Variants in ELMO1 observed in about 807,000 individuals in gnomAD.
The protein encoded by ELMO1 is engulfment and cell motility 1.
Under a neutral mutation model 98.9 loss-of-function variants are expected in ELMO1, and 26 were observed. The observed-to-expected ratio is 0.26, with a 90% CI of 0.19 to 0.36. The LOEUF is 0.36. Ranked by LOEUF, ELMO1 falls within the 10% of genes least tolerant of loss-of-function variation. ELMO1 has a pLI of 1.00. For synonymous variants in ELMO1, 346 were observed against 346.0 expected (o/e 1.00, Z 0.00); for missense variants, 627 against 935.2 (o/e 0.67, Z 4.30).
intron 1 of ELMO1, among the ~76,000 whole-genome samples, chr7:37,414,588 C>G (rs1232433467): frequency 6.6e-6 from 1 of 152,230 alleles, no homozygotes; most frequent in Non-Finnish European, 1.5e-5. Context: ...CTGTGGCCAA[C>G]TCCAAAGTCC....
At chr7:37,262,983 G>A (rs1444260144) in intron 5 of ELMO1, among the ~76,000 whole-genome samples, 2 of 152,150 alleles carry the variant, frequency 1.3e-5, no homozygotes, top group Non-Finnish European at 2.9e-5. Context: ...CCAGGAAAAG[G>A]TGCTCCACAG....
At position 37,044,508 on chromosome 7, in the gene ELMO1, C is replaced by T. The variant is rs149389504; in HGVS notation, c.1301-31073G>A. On this transcript the variant is annotated intron_variant, in intron 15 of 21. Coordinates refer to ENST00000310758, the MANE Select transcript of ELMO1 (RefSeq NM_014800.11). Reference sequence around the variant, plus strand: ...GTGCCTGGTAAGTCACCATCTCACTCGCCCAACACGGTGTTTGAGGTGGTG... The same window carrying T: ...GTGCCTGGTAAGTCACCATCTCACTTGCCCAACACGGTGTTTGAGGTGGTG... Among the ~76,000 whole-genome samples, 1,363 of 152,322 alleles carry T rather than the reference C, an allele frequency of 8.9e-3. 6 individuals carry two copies. The highest frequency in any genetic ancestry group is 0.014 in the Middle Eastern group (4 of 294).
intron 15 of ELMO1, among the ~76,000 whole-genome samples, chr7:37,074,765 A>G (rs1797472339): frequency 6.6e-6 from 1 of 152,218 alleles, no homozygotes; most frequent in African/African-American, 2.4e-5. Context: ...CAGAGTCAGA[A>G]GTGAGGAGGT....
chr7:36,893,715 G>A (rs1313641001), intron 17 of ELMO1, among the ~76,000 whole-genome samples: 3 of 152,032 alleles, frequency 2.0e-5, no homozygotes, highest in Admixed American at 6.6e-5. Context: ...GCTCAGTCCC[G>A]GCTCTTCCAC....
chr7:37,337,114 G>A (rs886393090), intron 2 of ELMO1, among the ~76,000 whole-genome samples: 27 of 152,032 alleles, frequency 1.8e-4, no homozygotes, highest in African/African-American at 6.0e-4. Flanking sequence ...TGTTTATTGC[G>A]GCACTATTCA....
At position 37,188,498 on chromosome 7, in the gene ELMO1, A is replaced by ATAATAATAAT. The variant is rs71002402; in HGVS notation, c.1086+22887_1086+22888insATTATTATTA. On this transcript the variant is annotated intron_variant, in intron 13 of 21. Transcript: ENST00000310758. ...CCACTGGAGAAAGGTAAAAAAAAAA[A>ATAATAATAAT]AAAAATAATAATAATAATAATAATA... Among the ~76,000 whole-genome samples the ATAATAATAAT allele has an allele frequency of 5.4e-3, 230 of 42,480 alleles. 5 individuals carry two copies. Among genetic ancestry groups the ATAATAATAAT allele is most frequent in the Admixed American group, 0.012 (48 of 4,128 alleles). The allele number at this position is 42,480 out of a possible 152,430, so 27.9% of individuals were successfully genotyped here.
chr7:37,235,875 G>A (rs535268097), intron 7 of ELMO1, among the ~76,000 whole-genome samples: 4 of 152,302 alleles, frequency 2.6e-5, no homozygotes, highest in East Asian at 1.9e-4. Context: ...AGCCAAGATC[G>A]TGCCATTGCA....
At chr7:37,176,934 T>A (rs1379343695) in intron 13 of ELMO1, among the ~76,000 whole-genome samples, 1 of 152,142 alleles carries the variant, frequency 6.6e-6, no homozygotes, top group South Asian at 2.1e-4. Flanking sequence ...CACAGCTCAA[T>A]GCCTAAGTAC....
intron 1 of ELMO1, among the ~76,000 whole-genome samples, chr7:37,372,054 C>A (rs910268065): frequency 6.6e-6 from 1 of 151,876 alleles, no homozygotes; most frequent in Non-Finnish European, 1.5e-5. Context: ...CAAATACTGC[C>A]GGTAATTACC....
Position 37,222,702 on chromosome 7 carries a change from A to G in ELMO1, c.702-9T>C. ...GGATTTCTTGATCTGACCTGTAAAGATAGAGAACAATTCAGAAAATCAGAA... is the reference window on the plus strand; with the variant it reads ...GGATTTCTTGATCTGACCTGTAAAGGTAGAGAACAATTCAGAAAATCAGAA... On this transcript the variant is annotated splice_polypyrimidine_tract_variant and intron_variant, in intron 9 of 21. Transcript: ENST00000310758. 2 of 1,612,260 alleles carry G rather than the reference A, an allele frequency of 1.2e-6. No homozygotes were observed. Among genetic ancestry groups the G allele is most frequent in the African/African-American group, 2.7e-5 (2 of 74,968 alleles).
chr7:37,327,677 A>T (rs1287050144), intron 2 of ELMO1, among the ~76,000 whole-genome samples: 1 of 152,128 alleles, frequency 6.6e-6, no homozygotes, highest in East Asian at 1.9e-4. Flanking sequence ...GAGTGGATGT[A>T]CTAATGGCAA....
intron 16 of ELMO1, among the ~76,000 whole-genome samples, chr7:36,952,304 T>C (rs946936221): frequency 6.6e-6 from 1 of 152,154 alleles, no homozygotes; most frequent in African/African-American, 2.4e-5. Context: ...TAGTGATCTT[T>C]CTCTGTACCC....
At chr7:37,143,325 G>C (rs535626041) in intron 13 of ELMO1, among the ~76,000 whole-genome samples, 1 of 152,304 alleles carries the variant, frequency 6.6e-6, no homozygotes, top group South Asian at 2.1e-4. Context: ...AACATTGCTG[G>C]GAATTTCACA....
Position 37,342,504 on chromosome 7 carries a change from A to G in ELMO1, c.78+109T>C. 1 of 1,149,806 alleles carries G rather than the reference A, an allele frequency of 8.7e-7. No individual in the cohort carries two copies. Among genetic ancestry groups the G allele is most frequent in the Non-Finnish European group, 1.3e-6 (1 of 765,624 alleles). The allele number at this position is 1,149,806 out of a possible 1,614,324, so 71.2% of individuals were successfully genotyped here. ...GCAACTATTATTGCACAGATTTTTC[A>G]ACACAGCTAGAGAGAGAAAGGGAGA... On this transcript the variant is annotated intron_variant, in intron 2 of 21. Coordinates refer to ENST00000310758, the MANE Select transcript of ELMO1 (RefSeq NM_014800.11). The surrounding 1 kb of genome is among the most constrained non-coding windows in gnomAD (Gnocchi z 4.3).
intron 10 of ELMO1, among the ~76,000 whole-genome samples, chr7:37,219,710 C>A (rs1468901136): frequency 6.6e-6 from 1 of 152,204 alleles, no homozygotes; most frequent in African/African-American, 2.4e-5. Flanking sequence ...GACTCGAACT[C>A]TGATTCTTAC....
At chr7:37,057,754 C>T (rs1796463794) in intron 15 of ELMO1, among the ~76,000 whole-genome samples, 1 of 152,250 alleles carries the variant, frequency 6.6e-6, no homozygotes, top group African/African-American at 2.4e-5. Flanking sequence ...GAGAACACTT[C>T]TCTTCACATT....
rs1797099003 is a variant in ELMO1 at position 37,280,905 on chromosome 7, C to T, written c.193-9023G>A. Among the ~76,000 whole-genome samples the T allele has an allele frequency of 2.0e-5, 3 of 151,860 alleles. No individual in the cohort carries two copies. In the South Asian group the frequency reaches 6.2e-4, roughly 32 times the overall value. ...TCAAAAAAAGATACTTGCACATGCA[C>T]GTTTATAGCAGCACAATTCACAATA... On this transcript the variant is annotated intron_variant, in intron 4 of 21. Coordinates refer to ENST00000310758, the MANE Select transcript of ELMO1 (RefSeq NM_014800.11).
chr7:37,271,894 GA>G lies in ELMO1; in HGVS notation c.193-13del, dbSNP rs774195823. 1.2e-6 allele frequency: 2 copies of G among 1,612,564 alleles called. No individual in the cohort carries two copies. The highest frequency in any genetic ancestry group is 1.7e-5 in the Admixed American group (1 of 59,756). The stretch of plus-strand genomic sequence containing the variant: ...ATCTCATTGCGGTTCTGGAAAAGAA[GA>G]AAAAATCTTTGTAAATTTTCAAGTA... On this transcript the variant is annotated splice_polypyrimidine_tract_variant and intron_variant, in intron 4 of 21. Transcript: ENST00000310758.
At position 36,970,180 on chromosome 7, in the gene ELMO1, A is replaced by AATAC. The variant is rs1351505023; in HGVS notation, c.1437+43118_1437+43119insGTAT. Among the ~76,000 whole-genome samples, 544 of 144,354 alleles carry AATAC rather than the reference A, an allele frequency of 3.8e-3. 8 individuals carry two copies. Among genetic ancestry groups the AATAC allele is most frequent in the African/African-American group, 0.013 (510 of 38,716 alleles). 94.7% of individuals were successfully genotyped at this position (144,354 alleles called of 152,430 possible). ...CACACACAAATACATTCATACACTT[A>AATAC]ACACACACACACACACACACACACA... On this transcript the variant is annotated intron_variant, in intron 16 of 21. Coordinates refer to ENST00000310758, the MANE Select transcript of ELMO1 (RefSeq NM_014800.11).
Sources: allele counts gnomAD v4.1 joint callset (sites outside exome capture counted in the v4.1 genomes callset), GRCh38; gene constraint gnomAD v4.1.1; non-coding constraint Gnocchi (gnomAD v3.1); transcripts MANE v1.5; gene names NCBI Gene and HGNC (gene_info 2026-07-23, HGNC 2026-07-21).